Variants in PRKG1 observed in about 807,000 individuals in gnomAD.
PRKG1 encodes cGMP-dependent protein kinase 1.
A neutral mutation model predicts 88.1 loss-of-function variants in PRKG1; 35 were observed. The observed-to-expected ratio is 0.40, with a 90% CI of 0.30 to 0.53. The LOEUF (loss-of-function observed/expected upper bound fraction) is 0.53. Ranked by LOEUF, PRKG1 falls within the 20% of genes least tolerant of loss-of-function variation. The pLI is 0.59. For missense variants in PRKG1, 540 were observed against 839.8 expected, an observed-to-expected ratio of 0.64 and a Z score of 4.41; for synonymous variants, 303 against 292.5, an observed-to-expected ratio of 1.04 and a Z score of -0.37.
At chr10:51,950,676 T>C (rs1367388081) in intron 5 of PRKG1, among the ~76,000 whole-genome samples, 1 of 152,366 alleles carries the variant, frequency 6.6e-6, no homozygotes, top group East Asian at 1.9e-4. Flanking sequence ...TAATTAGTTC[T>C]TTTAGTTCCA....
intron 2 of PRKG1, among the ~76,000 whole-genome samples, chr10:51,285,816 C>T (rs905474915): frequency 5.9e-5 from 9 of 152,114 alleles, no homozygotes; most frequent in African/African-American, 1.4e-4. Flanking sequence ...AGCCGTCCCC[C>T]GCTTATGAAA....
intron 3 of PRKG1, among the ~76,000 whole-genome samples, chr10:51,713,288 C>G (rs1434614482): frequency 6.6e-6 from 1 of 152,140 alleles, no homozygotes; most frequent in East Asian, 1.9e-4. Flanking sequence ...AAATCTGTAA[C>G]TACATGACAG....
At chr10:51,666,907 G>T (rs914157344) in intron 3 of PRKG1, among the ~76,000 whole-genome samples, 1 of 151,844 alleles carries the variant, frequency 6.6e-6, no homozygotes, top group South Asian at 2.1e-4. Context: ...TGATTTTCCC[G>T]CCTCAGCCTC....
intron 2 of PRKG1, among the ~76,000 whole-genome samples, chr10:51,298,677 A>C (rs574520939): frequency 5.9e-5 from 9 of 152,334 alleles, no homozygotes; most frequent in African/African-American, 2.2e-4. Context: ...TTCTGATCTA[A>C]GGTAGAAACA....
At chr10:52,081,000 T>G (rs1328578954) in intron 7 of PRKG1, among the ~76,000 whole-genome samples, 1 of 152,106 alleles carries the variant, frequency 6.6e-6, no homozygotes, top group Non-Finnish European at 1.5e-5. Flanking sequence ...AATTGCATCA[T>G]AGCTCAACTT....
At chr10:51,663,285 C>G (rs1414108049) in intron 3 of PRKG1, among the ~76,000 whole-genome samples, 1 of 152,046 alleles carries the variant, frequency 6.6e-6, no homozygotes, top group Non-Finnish European at 1.5e-5. Context: ...GATGCCATGG[C>G]TGTGTGAGAA....
rs536296367 is a variant in PRKG1, at chr10:51,580,898, C to T, written c.592+113062C>T. Among the ~76,000 whole-genome samples, 13 of 152,052 alleles carry T rather than the reference C, an allele frequency of 8.5e-5. No individual in the cohort carries two copies. The South Asian group carries it at 1.9e-3, about 22-fold the overall frequency. On this transcript the variant is annotated intron_variant, in intron 3 of 17. Coordinates refer to ENST00000373980, the MANE Select transcript of PRKG1 (RefSeq NM_006258.4). ...TCTCCTACTTCCTTAGTATTTATTG[C>T]GGGATCTGGCCAGCAGCCCACAATG... is the stretch of plus-strand genomic sequence containing the variant.
chr10:52,050,217 G>T (rs1353238080), intron 5 of PRKG1, among the ~76,000 whole-genome samples: 1 of 152,062 alleles, frequency 6.6e-6, no homozygotes, highest in Non-Finnish European at 1.5e-5. Flanking sequence ...ATCTCAGAAG[G>T]CTGGCAGGGC....
intron 4 of PRKG1, among the ~76,000 whole-genome samples, chr10:51,875,723 G>C (rs1185464267): frequency 1.3e-5 from 2 of 152,096 alleles, no homozygotes; most frequent in African/African-American, 4.8e-5. Flanking sequence ...AATACTTAAA[G>C]CAAAAAGGGA....
intron 3 of PRKG1, among the ~76,000 whole-genome samples, chr10:51,650,192 G>C (rs773255508): frequency 3.9e-5 from 6 of 152,130 alleles, no homozygotes; most frequent in Non-Finnish European, 8.8e-5. Flanking sequence ...TATCCAGCCT[G>C]CCGTGCTTTT....
At chr10:51,934,204 A>G (rs910673150) in intron 5 of PRKG1, among the ~76,000 whole-genome samples, 5 of 152,194 alleles carry the variant, frequency 3.3e-5, no homozygotes, top group African/African-American at 1.2e-4. Context: ...TAATCATTGG[A>G]AAAGAAAAAA....
At chr10:52,217,358 A>G (rs1245073998) in intron 9 of PRKG1, among the ~76,000 whole-genome samples, 9 of 151,786 alleles carry the variant, frequency 5.9e-5, no homozygotes, top group Admixed American at 2.0e-4. Flanking sequence ...CTATCTATAT[A>G]TATATATACA....
intron 5 of PRKG1, 60 bp from the exon 6 acceptor site, chr10:52,054,424 T>G: frequency 5.6e-6 from 7 of 1,254,432 alleles, no homozygotes; most frequent in Non-Finnish European, 7.0e-6. Flanking sequence ...TTGAAGAGGC[T>G]GAGCTGTTTG....
chr10:51,882,574 A>G (rs1439392932), intron 4 of PRKG1, among the ~76,000 whole-genome samples: 8 of 152,140 alleles, frequency 5.3e-5, no homozygotes, highest in Admixed American at 5.2e-4. Context: ...AAGACTTAAA[A>G]TGGAAATATG....
At chr10:51,590,160 T>C (rs754482462) in intron 3 of PRKG1, among the ~76,000 whole-genome samples, 1 of 152,184 alleles carries the variant, frequency 6.6e-6, no homozygotes. Flanking sequence ...GAGAAATTAT[T>C]TCATTTTCAG....
At chr10:52,243,845 A>G (rs1467762965) in intron 9 of PRKG1, among the ~76,000 whole-genome samples, 1 of 152,144 alleles carries the variant, frequency 6.6e-6, no homozygotes, top group Non-Finnish European at 1.5e-5. Flanking sequence ...TACGAAATGC[A>G]ATTTTCCTGT....
At chr10:52,088,571 C>T (rs565662762) in intron 7 of PRKG1, among the ~76,000 whole-genome samples, 86 of 152,158 alleles carry the variant, frequency 5.7e-4, no homozygotes, top group Middle Eastern at 3.4e-3. Context: ...GTGAACACAG[C>T]GTTCATGTCT....
At chr10:51,166,049 T>C (rs1444169126) in intron 2 of PRKG1, among the ~76,000 whole-genome samples, 1 of 152,104 alleles carries the variant, frequency 6.6e-6, no homozygotes, top group African/African-American at 2.4e-5. Context: ...ATTCGGATCA[T>C]GCAGATCATA....
At chr10:52,285,529 A>G (rs11597314) in intron 14 of PRKG1, among the ~76,000 whole-genome samples, 1 of 152,028 alleles carries the variant, frequency 6.6e-6, no homozygotes, top group African/African-American at 2.4e-5. Flanking sequence ...ACCTCTGGAA[A>G]GTGCTTTTGT....
Sources: gnomAD v4.1 joint callset for allele counts (sites outside exome capture counted in the v4.1 genomes callset) on GRCh38, gnomAD v4.1.1 for gene constraint, MANE v1.5 for transcripts, NCBI Gene and HGNC (gene_info 2026-07-23, HGNC 2026-07-21) for gene names.